MACROD2: variants seen among roughly 807,000 people sequenced by gnomAD.
The protein encoded by MACROD2 is ADP-ribose glycohydrolase MACROD2.
In MACROD2, 36 loss-of-function variants were observed where a neutral mutation model predicts 70.4. The observed-to-expected ratio is 0.51, with a 90% confidence interval of 0.39 to 0.68. MACROD2 has a LOEUF of 0.68. Among genes scored for constraint, MACROD2 ranks in the 30% least tolerant of loss-of-function variants. The pLI is 0.00. For synonymous variants in MACROD2, 172 were observed against 178.8 expected, an observed-to-expected ratio of 0.96 and a Z score of 0.30; for missense variants, 496 against 538.4, an observed-to-expected ratio of 0.92 and a Z score of 0.78.
intron 5 of MACROD2, among the ~76,000 whole-genome samples, chr20:14,847,137 A>C (rs888578952): frequency 6.6e-6 from 1 of 152,314 alleles, no homozygotes; most frequent in South Asian, 2.1e-4. Flanking sequence ...ACTTTAAAAA[A>C]AGAGTAAAAC....
At chr20:15,997,392 A>C (rs568774312) in intron 15 of MACROD2, among the ~76,000 whole-genome samples, 81 of 152,164 alleles carry the variant, frequency 5.3e-4, no homozygotes, top group African/African-American at 1.8e-3. Context: ...AATATTTTAC[A>C]GTTTTCAGTG....
Position 15,899,365 on chromosome 20 carries a change from A to G in MACROD2, c.775+13554A>G, listed in dbSNP as rs73597708. ...ATACACATACATACATTTCTAATAC[A>G]TAGCCTGGAAAGATACATATCAAGT... On this transcript the variant is annotated intron_variant, in intron 10 of 17. Coordinates refer to ENST00000684519, the MANE Select transcript of MACROD2 (RefSeq NM_001351661.2). 3.9e-3 allele frequency among the ~76,000 whole-genome samples: 592 copies of G among 152,294 alleles called. 2 individuals carry two copies. Among genetic ancestry groups the G allele is most frequent in the South Asian group, 0.023 (113 of 4,832 alleles).
chr20:14,857,543 G>A (rs1042080809), intron 5 of MACROD2, among the ~76,000 whole-genome samples: 1 of 152,120 alleles, frequency 6.6e-6, no homozygotes, highest in African/African-American at 2.4e-5. Context: ...TGTGACAAGG[G>A]AGCCCTGCCT....
chr20:15,119,581 G>A (rs1400787783), intron 5 of MACROD2, among the ~76,000 whole-genome samples: 1 of 152,158 alleles, frequency 6.6e-6, no homozygotes, highest in East Asian at 1.9e-4. Flanking sequence ...AAAGAAAAAA[G>A]ATTAAAGATT....
intron 6 of MACROD2, among the ~76,000 whole-genome samples, chr20:15,308,835 C>T (rs2077723856): frequency 6.6e-6 from 1 of 152,176 alleles, no homozygotes; most frequent in Admixed American, 6.5e-5. Context: ...AGCTCAGCAA[C>T]TCCACTGAAG....
intron 8 of MACROD2, among the ~76,000 whole-genome samples, chr20:15,762,784 A>G (rs1192205125): frequency 6.6e-6 from 1 of 152,212 alleles, no homozygotes; most frequent in Admixed American, 6.5e-5. Context: ...CCAGATATTC[A>G]TGAGCACTAC....
intron 8 of MACROD2, among the ~76,000 whole-genome samples, chr20:15,702,411 C>T (rs954527967): frequency 2.6e-5 from 4 of 152,050 alleles, no homozygotes; most frequent in East Asian, 1.9e-4. Context: ...ATTTCTCTGA[C>T]GTTTAGTGAT....
chr20:14,262,150 T>C (rs1448264400), intron 3 of MACROD2, among the ~76,000 whole-genome samples: 1 of 151,556 alleles, frequency 6.6e-6, no homozygotes, highest in Non-Finnish European at 1.5e-5. Context: ...TGCAGAGGGG[T>C]TGAAGGAATG....
intron 8 of MACROD2, among the ~76,000 whole-genome samples, chr20:15,570,988 C>T (rs1187092195): frequency 6.6e-6 from 1 of 152,122 alleles, no homozygotes; most frequent in African/African-American, 2.4e-5. Flanking sequence ...AATTATTTAA[C>T]CTTAGTATGT....
At chr20:15,815,119 T>G (rs1299137171) in intron 8 of MACROD2, among the ~76,000 whole-genome samples, 1 of 152,208 alleles carries the variant, frequency 6.6e-6, no homozygotes, top group Non-Finnish European at 1.5e-5. Flanking sequence ...CTCATCCCTT[T>G]CAAATGAAAA....
chr20:14,667,867 T>C (rs1434523975), intron 4 of MACROD2, among the ~76,000 whole-genome samples: 1 of 152,086 alleles, frequency 6.6e-6, no homozygotes, highest in Non-Finnish European at 1.5e-5. Context: ...AATCGAAAGC[T>C]CTCAGAGCTG....
At chr20:15,469,937 G>A (rs34723437) in intron 7 of MACROD2, among the ~76,000 whole-genome samples, 1 of 152,042 alleles carries the variant, frequency 6.6e-6, no homozygotes, top group Admixed American at 6.5e-5. Context: ...ATTTGCTCTA[G>A]GCCTCACCAA....
At chr20:15,929,668 A>G (rs536891266) in intron 10 of MACROD2, among the ~76,000 whole-genome samples, 59 of 152,300 alleles carry the variant, frequency 3.9e-4, no homozygotes, top group Admixed American at 1.8e-3. Context: ...TCTTCCTGTC[A>G]CCATGTAGCG....
intron 5 of MACROD2, among the ~76,000 whole-genome samples, chr20:14,754,251 T>C (rs980345675): frequency 6.6e-6 from 1 of 152,148 alleles, no homozygotes; most frequent in Non-Finnish European, 1.5e-5. Context: ...GGGATGGTTG[T>C]TATTGCTTTA....
At chr20:14,467,758 A>G (rs2084474707) in intron 3 of MACROD2, among the ~76,000 whole-genome samples, 2 of 152,132 alleles carry the variant, frequency 1.3e-5, no homozygotes, top group South Asian at 4.1e-4. Context: ...AGTGCTTCAC[A>G]TTTCCCCTAA....
chr20:15,525,497 A>G (rs750428819), intron 8 of MACROD2, among the ~76,000 whole-genome samples: 2 of 152,228 alleles, frequency 1.3e-5, no homozygotes, highest in South Asian at 2.1e-4. Context: ...GTGTTGGCTT[A>G]TAACGTGCCA....
At chr20:15,249,301 G>T (rs2021911) in intron 6 of MACROD2, among the ~76,000 whole-genome samples, 24,739 of 152,106 alleles carry the variant, frequency 0.16, 2,396 homozygotes, top group African/African-American at 0.27. Flanking sequence ...AGCTTCTGTG[G>T]TACTGTCTTC....
intron 6 of MACROD2, among the ~76,000 whole-genome samples, chr20:15,348,924 G>C (rs2146219448): frequency 6.6e-6 from 1 of 152,254 alleles, no homozygotes; most frequent in East Asian, 1.9e-4. Flanking sequence ...CCTGGTCACA[G>C]CCCATTGTGT....
intron 3 of MACROD2, 119 bp from the exon 4 acceptor site, chr20:14,493,360 G>A: frequency 4.8e-6 from 3 of 621,050 alleles, no homozygotes; most frequent in Non-Finnish European, 8.0e-6. Context: ...TAAATATTTT[G>A]TGTTTATGTA....
Sources: gnomAD v4.1 joint callset for allele counts (sites outside exome capture counted in the v4.1 genomes callset) on GRCh38, gnomAD v4.1.1 for gene constraint, MANE v1.5 for transcripts, NCBI Gene and HGNC (gene_info 2026-07-23, HGNC 2026-07-21) for gene names.